APOOL: variants seen among roughly 807,000 people sequenced by gnomAD.
APOOL encodes the protein apolipoprotein O like.
Under a neutral mutation model 23.1 loss-of-function variants are expected in APOOL, and 12 were observed. That is an observed-to-expected ratio of 0.52 (90% CI 0.33 to 0.84). The LOEUF (loss-of-function observed/expected upper bound fraction) is 0.84, where lower values mean the gene tolerates loss of function less well. Ranked by LOEUF, APOOL falls within the 40% of genes least tolerant of loss-of-function variation. The probability of loss-of-function intolerance (pLI) is 0.02; values close to 1 mark genes in which losing one functional copy is unlikely to be tolerated. For synonymous variants in APOOL, 77 were observed against 69.9 expected, an observed-to-expected ratio of 1.10 and a Z score of -0.51; for missense variants, 212 against 199.6, an observed-to-expected ratio of 1.06 and a Z score of -0.37.
At chrX:85,065,444 G>A (rs1223125708) in intron 5 of APOOL, among the ~76,000 whole-genome samples, 2 of 111,687 alleles carry the variant, frequency 1.8e-5, no homozygotes, top group Admixed American at 1.9e-4. Flanking sequence ...TTAATTTGCA[G>A]ACTTGTTAAT....
intron 5 of APOOL, among the ~76,000 whole-genome samples, chrX:85,061,192 T>C (rs1569458469): frequency 8.9e-6 from 1 of 111,758 alleles, no homozygotes; most frequent in East Asian, 2.8e-4. Flanking sequence ...TTTATTGATT[T>C]GGGTATGTTG....
In APOOL at chrX:85,034,900, G is replaced by A. The variant is rs917039353; in HGVS notation, c.16-11546G>A. On this transcript the variant is annotated intron_variant, in intron 1 of 8. Transcript: ENST00000373173. ...AGGTTTATTCCATGTATTTGGTATCGTGAATAGTGCTGTGATGAACACATG... is the reference window on the plus strand; with the variant it reads ...AGGTTTATTCCATGTATTTGGTATCATGAATAGTGCTGTGATGAACACATG... Among the ~76,000 whole-genome samples, 13 of 111,895 alleles carry A rather than the reference G, an allele frequency of 1.2e-4. No individual in the cohort carries two copies. In the East Asian group the frequency reaches 1.4e-3, roughly 12 times the overall value.
intron 8 of APOOL, among the ~76,000 whole-genome samples, chrX:85,086,090 A>G (rs1412821002): frequency 8.9e-6 from 1 of 112,241 alleles, no homozygotes; most frequent in East Asian, 2.8e-4. Flanking sequence ...GGACACAGGA[A>G]GCTTGTCAAG....
chrX:85,083,187 TACAA>T (rs909782917), intron 8 of APOOL, among the ~76,000 whole-genome samples: 9 of 111,250 alleles, frequency 8.1e-5, no homozygotes, highest in Non-Finnish European at 1.5e-4. Flanking sequence ...ATGTCCAGTA[TACAA>T]ACAAACAAAA....
Position 85,092,131 on chromosome X carries a change from A to ATAG in APOOL, c.*4454_*4456dup. The ATAG allele has an allele frequency of 7.2e-6, 2 of 277,212 alleles. No individual in the cohort carries two copies. Among genetic ancestry groups the ATAG allele is most frequent in the Non-Finnish European group, 1.3e-5 (2 of 157,098 alleles). The allele number at this position is 277,212 out of a possible 1,213,427, so 22.8% of individuals were successfully genotyped here. ...TTTGATGAAATATGATAGGTAAAAA[A>ATAG]TAGCGCAAAGCTAAGTATAAGTGAC... On this transcript the variant is annotated 3_prime_UTR_variant, in exon 9 of 9. Transcript: ENST00000373173.
chrX:85,082,190 CA>C (rs1924127904), intron 8 of APOOL, among the ~76,000 whole-genome samples: 1 of 111,900 alleles, frequency 8.9e-6, no homozygotes, highest in South Asian at 3.7e-4. Flanking sequence ...TTAGAATTTT[CA>C]GATTTTCTAC....
At chrX:85,071,803 A>G (rs1471662828) in intron 6 of APOOL, among the ~76,000 whole-genome samples, 2 of 112,361 alleles carry the variant, frequency 1.8e-5, no homozygotes, top group African/African-American at 6.5e-5. Flanking sequence ...TTCATGTATT[A>G]AGAACTCCTG....
intron 5 of APOOL, among the ~76,000 whole-genome samples, chrX:85,060,293 G>C (rs1355762936): frequency 2.8e-5 from 3 of 105,783 alleles, no homozygotes; most frequent in Non-Finnish European, 5.8e-5. Context: ...TTGTAGTATA[G>C]TTTGAAGTCA....
At chrX:85,030,177 T>G (rs752752400) in intron 1 of APOOL, among the ~76,000 whole-genome samples, 3 of 112,148 alleles carry the variant, frequency 2.7e-5, no homozygotes, top group Non-Finnish European at 5.6e-5. Flanking sequence ...ACTCAGCCAT[T>G]AAAAGAAATG....
At chrX:85,086,999 G>A (rs1295764829) in intron 8 of APOOL, among the ~76,000 whole-genome samples, 1 of 111,040 alleles carries the variant, frequency 9.0e-6, no homozygotes, top group Admixed American at 9.6e-5. Context: ...GCGCCCGGCC[G>A]AGTGATCTTT....
rs72633107 is a variant in APOOL at position 85,051,381 on chromosome X, G to A, written c.121-8G>A. The A allele has an allele frequency of 8.3e-7, 1 of 1,205,574 alleles. No homozygotes were observed. Among genetic ancestry groups the A allele is most frequent in the Non-Finnish European group, 1.1e-6 (1 of 893,766 alleles). On this transcript the variant is annotated splice_polypyrimidine_tract_variant and splice_region_variant and intron_variant, in intron 2 of 8. Transcript: ENST00000373173. ...TATGTTTTTGACATGAACATTTTTT[G>A]CCTGTAGCTCCCCATATATACTGCA...
intron 1 of APOOL, among the ~76,000 whole-genome samples, chrX:85,015,318 T>C (rs1921427531): frequency 9.0e-6 from 1 of 110,793 alleles, no homozygotes; most frequent in South Asian, 3.8e-4. Context: ...AAATTCTTTA[T>C]CTGGCAATTC....
chrX:85,054,432 T>A, intron 4 of APOOL, 34 bp downstream of exon 4: 1 of 1,093,185 alleles, frequency 9.1e-7, no homozygotes, highest in South Asian at 2.1e-5. Flanking sequence ...TGTTTTATTG[T>A]GTTTTTAAAT....
chrX:85,044,321 G>A (rs1922501219), intron 1 of APOOL, among the ~76,000 whole-genome samples: 1 of 109,041 alleles, frequency 9.2e-6, no homozygotes. Context: ...TGCTCTTGTT[G>A]CCCAGGCTGG....
chrX:85,075,649 A>G (rs1004535786), intron 8 of APOOL, among the ~76,000 whole-genome samples: 4 of 111,576 alleles, frequency 3.6e-5, no homozygotes, highest in African/African-American at 1.3e-4. Flanking sequence ...ATTTTTCCAC[A>G]TGCCTTTTAA....
intron 8 of APOOL, among the ~76,000 whole-genome samples, chrX:85,075,852 T>G (rs1248848512): frequency 2.7e-5 from 3 of 111,645 alleles, no homozygotes; most frequent in Non-Finnish European, 5.6e-5. Context: ...TGCTACTTAC[T>G]CATTCTTATC....
At chrX:85,030,912 G>A (rs1602750021) in intron 1 of APOOL, among the ~76,000 whole-genome samples, 1 of 112,027 alleles carries the variant, frequency 8.9e-6, no homozygotes, top group Non-Finnish European at 1.9e-5. Flanking sequence ...TATTGAAATA[G>A]TAGATACATA....
chrX:85,044,140 T>G (rs781123619), intron 1 of APOOL, among the ~76,000 whole-genome samples: 1 of 111,358 alleles, frequency 9.0e-6, no homozygotes, highest in East Asian at 2.8e-4. Context: ...TAATTTCAAT[T>G]TAAATAACCA....
chrX:85,051,651 T>C, intron 3 of APOOL, 143 bp downstream of exon 3: 1 of 866,063 alleles, frequency 1.2e-6, no homozygotes, highest in Non-Finnish European at 1.6e-6. Flanking sequence ...TTGTAAGTCA[T>C]GAATTTGATC....
Sources: allele counts gnomAD v4.1 joint callset (sites outside exome capture counted in the v4.1 genomes callset), GRCh38; gene constraint gnomAD v4.1.1; transcripts MANE v1.5; gene names NCBI Gene and HGNC (gene_info 2026-07-23, HGNC 2026-07-21).